Variants in PLB1 observed in about 807,000 individuals in gnomAD.
PLB1 encodes the protein phospholipase B1, membrane-associated.
In PLB1, 242 loss-of-function variants were observed where a neutral mutation model predicts 227.4. The observed-to-expected ratio is 1.06, with a 90% CI of 0.96 to 1.18. The LOEUF is 1.18. Ranked by LOEUF, PLB1 falls within the 50% of genes most tolerant of loss-of-function variation. The pLI is 0.00. For synonymous variants in PLB1, 757 were observed against 682.2 expected (o/e 1.11, Z -1.71); for missense variants, 1,858 against 1,816.3 (o/e 1.02, Z -0.42).
At chr2:28,640,673 C>T (rs931224199) in intron 56 of PLB1, among the ~76,000 whole-genome samples, 2 of 152,176 alleles carry the variant, frequency 1.3e-5, no homozygotes, top group Non-Finnish European at 2.9e-5. Context: ...TTGCTGTACC[C>T]GGCAAATCCA....
chr2:28,561,257 T>C (rs1676019651), intron 17 of PLB1, among the ~76,000 whole-genome samples: 1 of 152,246 alleles, frequency 6.6e-6, no homozygotes, highest in African/African-American at 2.4e-5. Context: ...AGCCACTGCT[T>C]CGTGTTCAAC....
intron 8 of PLB1, among the ~76,000 whole-genome samples, chr2:28,530,022 C>T (rs1299634205): frequency 6.6e-6 from 1 of 152,034 alleles, no homozygotes; most frequent in East Asian, 1.9e-4. Context: ...ATGAGACTGG[C>T]TAATTTTTAT....
chr2:28,526,021 G>A, intron 6 of PLB1, 76 bp downstream of exon 6: 9 of 1,533,374 alleles, frequency 5.9e-6, no homozygotes, highest in Non-Finnish European at 7.2e-6. Flanking sequence ...CTCTAATAAA[G>A]AGAATGGACA....
intron 9 of PLB1, among the ~76,000 whole-genome samples, chr2:28,538,049 T>C (rs946728192): frequency 6.6e-6 from 1 of 152,196 alleles, no homozygotes; most frequent in African/African-American, 2.4e-5. Flanking sequence ...GCTCTGACTT[T>C]GAGTTTGCCC....
chr2:28,631,968 C>T lies in PLB1; in HGVS notation c.3898-68C>T, dbSNP rs1027189400. On this transcript the variant is annotated intron_variant, in intron 54 of 57. Transcript: ENST00000327757. The stretch of plus-strand genomic sequence containing the variant: ...ACTCCCGTCAACAACCAATCCAAGG[C>T]AGCAGGACTGGACCCTGTCTGTGCA... 8 of 1,330,068 alleles carry T rather than the reference C, an allele frequency of 6.0e-6. No homozygotes were observed. The African/African-American group carries it at 7.2e-5, about 12-fold the overall frequency. 82.4% of individuals were successfully genotyped at this position (1,330,068 alleles called of 1,614,324 possible).
At position 28,633,041 on chromosome 2, in the gene PLB1, T is replaced by G. The variant is rs760827286; in HGVS notation, c.4098+2T>G. The G allele has an allele frequency of 1.2e-6, 2 of 1,613,466 alleles. No homozygotes were observed. Among genetic ancestry groups the G allele is most frequent in the Non-Finnish European group, 1.7e-6 (2 of 1,179,610 alleles). ...GCCATCGCACTCTGGAACAACATGGTGAGCAGCCAAGGGCCTGGTGGGCCT... is the reference window on the plus strand; with the variant it reads ...GCCATCGCACTCTGGAACAACATGGGGAGCAGCCAAGGGCCTGGTGGGCCT... On this transcript the variant is annotated splice_donor_variant, in intron 56 of 57. Transcript: ENST00000327757. LOFTEE classifies it high-confidence loss of function.
chr2:28,597,959 C>T, intron 33 of PLB1, 46 bp from the exon 34 acceptor site: 3 of 1,567,066 alleles, frequency 1.9e-6, no homozygotes, highest in Non-Finnish European at 2.6e-6. Flanking sequence ...TTGATTCAAC[C>T]AATATGTCTC....
chr2:28,601,222 A>T (rs930233220), intron 36 of PLB1, 30 bp from the exon 37 acceptor site: 2 of 1,567,060 alleles, frequency 1.3e-6, no homozygotes, highest in Admixed American at 1.7e-5. Context: ...CTTGTTGGAA[A>T]TTATCAAGCA....
intron 37 of PLB1, 104 bp from the exon 38 acceptor site, chr2:28,601,795 G>A (rs935978204): frequency 5.5e-5 from 54 of 973,908 alleles, no homozygotes; most frequent in Non-Finnish European, 7.7e-5. Context: ...GGCTAGAGGG[G>A]GAACAAGTCC....
At position 28,601,348 on chromosome 2, in the gene PLB1, T is replaced by A; in HGVS notation, c.2607+16T>A. ...CACAGATTCGGTAATTGGGGCCAGG[T>A]CCAGGCCTACTTGTTGTTCCTAACT... On this transcript the variant is annotated intron_variant, in intron 37 of 57. Coordinates refer to ENST00000327757, the MANE Select transcript of PLB1 (RefSeq NM_153021.5). 6.2e-7 allele frequency: 1 copy of A among 1,609,910 alleles called. No individual in the cohort carries two copies. Among genetic ancestry groups the A allele is most frequent in the Non-Finnish European group, 8.5e-7 (1 of 1,176,468 alleles).
intron 23 of PLB1, among the ~76,000 whole-genome samples, chr2:28,581,226 C>T (rs531157530): frequency 6.6e-6 from 1 of 152,224 alleles, no homozygotes; most frequent in South Asian, 2.1e-4. Context: ...CGGTGTTTCA[C>T]AGGACGCTCT....
chr2:28,545,242 G>A (rs542553483), intron 14 of PLB1, among the ~76,000 whole-genome samples: 103 of 115,498 alleles, frequency 8.9e-4, no homozygotes, highest in Non-Finnish European at 1.3e-3. Context: ...ATACAAGTCC[G>A]GTTTCCCAGT....
At chr2:28,531,835 C>T (rs997082867) in intron 8 of PLB1, among the ~76,000 whole-genome samples, 2 of 151,778 alleles carry the variant, frequency 1.3e-5, no homozygotes, top group African/African-American at 4.8e-5. Flanking sequence ...TCCTTGTTTC[C>T]TTAAACTATA....
Position 28,630,649 on chromosome 2 carries a change from G to C in PLB1, c.3882G>C (p.Val1294=). 1 of 1,612,634 alleles carries C rather than the reference G, an allele frequency of 6.2e-7. No homozygotes were observed. Among genetic ancestry groups the C allele is most frequent in the Non-Finnish European group, 8.5e-7 (1 of 1,179,298 alleles). ...SSLEKQELKK[V]NWNLQHGISS... is the part of the protein sequence containing the mutation. Reference sequence around the variant, plus strand: ...TGGAGAAGCAAGAACTGAAGAAAGTGAACTGGAACCTCCAGGTAAGCCCTG... The same window carrying C: ...TGGAGAAGCAAGAACTGAAGAAAGTCAACTGGAACCTCCAGGTAAGCCCTG... The change falls in exon 54 of 58, where the codon GTG becomes GTC. Residue 1294 remains valine (V), a synonymous_variant. Transcript: ENST00000327757.
intron 26 of PLB1, among the ~76,000 whole-genome samples, chr2:28,588,030 G>C (rs1259094998): frequency 2.0e-5 from 3 of 152,184 alleles, no homozygotes; most frequent in Non-Finnish European, 4.4e-5. Context: ...AGATGCCCGT[G>C]TGTCAGCCGT....
intron 33 of PLB1, chr2:28,595,104 T>G (rs1015550638): frequency 1.1e-4 from 17 of 152,312 alleles, no homozygotes; most frequent in African/African-American, 3.8e-4. Flanking sequence ...ATCGACCAGC[T>G]GGGCTCCTGG....
rs1157524132 is a variant in PLB1, at chr2:28,643,842, T to A, written c.*781T>A. ...TCAAGGTGCTAAATTTAGGAAAAAA[T>A]TCCTATTTCTATATGCCCAGGTTTC... On this transcript the variant is annotated 3_prime_UTR_variant, in exon 58 of 58. Coordinates refer to ENST00000327757, the MANE Select transcript of PLB1 (RefSeq NM_153021.5). 6 of 152,302 alleles carry A rather than the reference T, an allele frequency of 3.9e-5. 1 individual carries two copies. The highest frequency in any genetic ancestry group is 9.6e-5 in the African/African-American group (4 of 41,566). The allele number at this position is 152,302 out of a possible 1,614,324, so 9.4% of individuals were successfully genotyped here.
intron 17 of PLB1, among the ~76,000 whole-genome samples, chr2:28,558,089 G>A (rs922473768): frequency 4.6e-5 from 7 of 152,036 alleles, no homozygotes; most frequent in Non-Finnish European, 1.0e-4. Flanking sequence ...TATGGCCATA[G>A]ACCAATCAGT....
chr2:28,501,943 T>C (rs140209423), intron 1 of PLB1, among the ~76,000 whole-genome samples: 2 of 152,186 alleles, frequency 1.3e-5, no homozygotes, highest in African/African-American at 4.8e-5. Context: ...TGTATCTTTT[T>C]CAAGTTCAGC....
Sources: allele counts gnomAD v4.1 joint callset (sites outside exome capture counted in the v4.1 genomes callset), GRCh38; gene constraint gnomAD v4.1.1; transcripts MANE v1.5; gene names NCBI Gene and HGNC (gene_info 2026-07-23, HGNC 2026-07-21).